The following IL17RD variants were observed in gnomAD, a reference collection of about 807,000 sequenced individuals.
IL17RD encodes interleukin 17 receptor D.
IL17RD carries 52 observed loss-of-function variants against 80.5 expected under a neutral mutation model. That is an observed-to-expected ratio of 0.65 (90% CI 0.52 to 0.81). The LOEUF is 0.81. Among genes scored for constraint, IL17RD ranks in the 40% least tolerant of loss-of-function variants. The pLI is 0.00. For missense variants in IL17RD, 1,024 were observed against 955.1 expected (o/e 1.07, Z -0.95); for synonymous variants, 416 against 391.8 (o/e 1.06, Z -0.73).
In IL17RD at chr3:57,146,045, G is replaced by GCGCGCGCA. The variant is rs766646872; in HGVS notation, c.126+19115_126+19116insTGCGCGCG. Among the ~76,000 whole-genome samples the GCGCGCGCA allele has an allele frequency of 2.0e-3, 298 of 151,240 alleles. 1 individual carries two copies. The highest frequency in any genetic ancestry group is 3.5e-3 in the Non-Finnish European group (238 of 67,754). Reference sequence around the variant, plus strand: ...CACACACACTCACGCGCGCGCGCGCGCACACACACACACACTGATGCATGC... The same window carrying GCGCGCGCA: ...CACACACACTCACGCGCGCGCGCGCGCGCGCGCACACACACACACACACTGATGCATGC... On this transcript the variant is annotated intron_variant, in intron 1 of 12. Transcript: ENST00000296318.
At chr3:57,156,243 G>GAA in intron 1 of IL17RD, among the ~76,000 whole-genome samples, 1 of 152,184 alleles carries the variant, frequency 6.6e-6, no homozygotes, top group South Asian at 2.1e-4. Context: ...GAAAGAGCAT[G>GAA]GTCAGGTCTG....
chr3:57,146,033 G>GCGCA (rs147159619), intron 1 of IL17RD, among the ~76,000 whole-genome samples: 7,935 of 144,726 alleles, frequency 0.055, 681 homozygotes, highest in African/African-American at 0.19. Flanking sequence ...ACACACTCAC[G>GCGCA]CGCGCGCGCG....
chr3:57,152,650 T>C (rs943699801), intron 1 of IL17RD, among the ~76,000 whole-genome samples: 2 of 152,238 alleles, frequency 1.3e-5, no homozygotes, highest in Non-Finnish European at 2.9e-5. Context: ...ATATTAACTT[T>C]ACATGTCTTG....
chr3:57,143,993 T>C (rs1707879087), intron 1 of IL17RD, among the ~76,000 whole-genome samples: 1 of 152,178 alleles, frequency 6.6e-6, no homozygotes, highest in South Asian at 2.1e-4. Context: ...TTTCCACAGA[T>C]ATTAGGCCCA....
intron 1 of IL17RD, among the ~76,000 whole-genome samples, chr3:57,146,045 G>GTGCGCACA (rs1553627649): frequency 1.3e-5 from 2 of 151,138 alleles, no homozygotes; most frequent in East Asian, 2.0e-4. Flanking sequence ...GCGCGCGCGC[G>GTGCGCACA]CACACACACA....
chr3:57,150,045 G>A (rs1708022618), intron 1 of IL17RD, among the ~76,000 whole-genome samples: 1 of 152,088 alleles, frequency 6.6e-6, no homozygotes, highest in African/African-American at 2.4e-5. Context: ...TGGTAGTCAA[G>A]CCCTCCCTCC....
chr3:57,127,520 C>T (rs1361551745), intron 1 of IL17RD, among the ~76,000 whole-genome samples: 2 of 149,576 alleles, frequency 1.3e-5, no homozygotes, highest in African/African-American at 4.9e-5. Context: ...ATTTTTTTGC[C>T]TCAGCTTCCC....
intron 1 of IL17RD, among the ~76,000 whole-genome samples, chr3:57,137,172 C>T (rs1189756095): frequency 6.6e-6 from 1 of 152,206 alleles, no homozygotes; most frequent in African/African-American, 2.4e-5. Flanking sequence ...AGGGATGACA[C>T]AGAGTCTTCC....
chr3:57,127,251 TAAATATATATAAATATATATAA>T (rs1559476788), intron 1 of IL17RD, among the ~76,000 whole-genome samples: 12 of 92,100 alleles, frequency 1.3e-4, no homozygotes, highest in Admixed American at 6.3e-4. Context: ...AATATATATA[TAAATATATATAAATATATATAA>T]AAATATATAT....
In IL17RD at chr3:57,109,607, G is replaced by A. The variant is rs542398760; in HGVS notation, c.480C>T (p.Phe160=). The change falls in exon 5 of 13, where the codon TTC becomes TTT. Residue 160 remains phenylalanine, a synonymous_variant. Transcript: ENST00000296318. ...FLNMKFETDY[F]VKVVPFPSIK... is the part of the protein sequence containing the mutation. ...TGGAAGGAAAAGGGACAACCTTTAC[G>A]AAATAATCCGTTTCAAATTTCATAT... The A allele has an allele frequency of 1.7e-5, 28 of 1,612,892 alleles. No individual in the cohort carries two copies. Among genetic ancestry groups the A allele is most frequent in the African/African-American group, 6.7e-5 (5 of 74,902 alleles).
At chr3:57,159,940 G>A (rs1044127086) in intron 1 of IL17RD, among the ~76,000 whole-genome samples, 1 of 152,232 alleles carries the variant, frequency 6.6e-6, no homozygotes, top group Non-Finnish European at 1.5e-5. Context: ...GGGAGGCCAA[G>A]GTGGACAGAT....
intron 2 of IL17RD, among the ~76,000 whole-genome samples, chr3:57,119,161 G>A (rs756646405): frequency 6.6e-5 from 10 of 152,116 alleles, no homozygotes; most frequent in South Asian, 2.1e-4. Flanking sequence ...GACCATCCTG[G>A]CTAACACAGT....
At chr3:57,131,757 T>A (rs1307418442) in intron 1 of IL17RD, among the ~76,000 whole-genome samples, 1 of 152,222 alleles carries the variant, frequency 6.6e-6, no homozygotes, top group Non-Finnish European at 1.5e-5. Flanking sequence ...TGGCACATGG[T>A]ATTTTCAGGA....
chr3:57,165,178 C>A lies in IL17RD; in HGVS notation c.109G>T (p.Asp37Tyr). 1 of 1,526,610 alleles carries A rather than the reference C, an allele frequency of 6.6e-7. No individual in the cohort carries two copies. Among genetic ancestry groups the A allele is most frequent in the South Asian group, 1.2e-5 (1 of 81,850 alleles). 94.6% of individuals were successfully genotyped at this position (1,526,610 alleles called of 1,614,324 possible). A position where few individuals can be genotyped will look rare whatever the true frequency, so the allele number is the denominator to read the frequency against. Residue 37 changes from aspartate to tyrosine, a missense_variant, in exon 1 of 13, where the codon GAC (aspartate) becomes TAC (tyrosine). Physicochemically the swap from Asp to Tyr is radical, Grantham distance 160. Transcript: ENST00000296318. ...CGCCTTACCCTCCAGCCACAGGTGT[C>A]GGCGCCCCGCGCGCGGCCGGACCCG... The part of the protein sequence containing the change: ...AGGSGRARGA[D>Y]TCGWRGVGPA...
chr3:57,166,097 T>C (rs747173690), upstream of IL17RD, among the ~76,000 whole-genome samples: 3 of 152,184 alleles, frequency 2.0e-5, no homozygotes, highest in Non-Finnish European at 4.4e-5. Flanking sequence ...GAAGTGGATA[T>C]TATTTCTGTT....
At chr3:57,132,104 T>C (rs1239085506) in intron 1 of IL17RD, among the ~76,000 whole-genome samples, 1 of 147,662 alleles carries the variant, frequency 6.8e-6, no homozygotes, top group Non-Finnish European at 1.5e-5. Flanking sequence ...GGGGATCGCT[T>C]GAGCCAAGGA....
intron 1 of IL17RD, chr3:57,134,547 C>A: frequency 7.1e-7 from 1 of 1,399,318 alleles, no homozygotes; most frequent in Non-Finnish European, 1.0e-6. Flanking sequence ...CAAGTGGATT[C>A]TCATGGAACA....
At position 57,097,924 on chromosome 3, in the gene IL17RD, G is replaced by A; in HGVS notation, c.1779C>T (p.Cys593=). Residue 593 remains cysteine (C), a synonymous_variant, in exon 12 of 13, where the codon TGC becomes TGT. Transcript: ENST00000296318. ...DSGLVLNDVM[C]KPGPESDFCL... ...AGAAGTCACTCTCAGGCCCTGGTTT[G>A]CACATGACATCATTTAAAACCAAGC... The A allele has an allele frequency of 6.2e-7, 1 of 1,614,036 alleles. No individual in the cohort carries two copies. Among genetic ancestry groups the A allele is most frequent in the Middle Eastern group, 1.6e-4 (1 of 6,062 alleles).
At chr3:57,138,865 GGAGGCA>G (rs1559481272) in intron 1 of IL17RD, among the ~76,000 whole-genome samples, 1 of 151,006 alleles carries the variant, frequency 6.6e-6, no homozygotes, top group African/African-American at 2.4e-5. Context: ...CTTCAACCCG[GGAGGCA>G]GAGGTTGCAG....
Sources: allele counts gnomAD v4.1 joint callset (sites outside exome capture counted in the v4.1 genomes callset), GRCh38; gene constraint gnomAD v4.1.1; transcripts MANE v1.5; gene names NCBI Gene and HGNC (gene_info 2026-07-23, HGNC 2026-07-21).